The following HACE1 variants were observed in gnomAD, a reference collection of about 807,000 sequenced individuals.
HACE1 encodes E3 ubiquitin-protein ligase HACE1.
A neutral mutation model predicts 118.4 loss-of-function variants in HACE1; 73 were observed. That is an observed-to-expected ratio of 0.62 (90% CI 0.51 to 0.75). The LOEUF (loss-of-function observed/expected upper bound fraction) is 0.75. HACE1 is among the 30% of genes least tolerant of loss of function. The pLI, the probability that HACE1 is intolerant of heterozygous loss-of-function variation, is 0.00. For missense variants in HACE1, 749 were observed against 1,102.2 expected (o/e 0.68, Z 4.54); for synonymous variants, 368 against 374.8 (o/e 0.98, Z 0.21).
chr6:104,840,611 C>T (rs1349091144), intron 5 of HACE1, among the ~76,000 whole-genome samples: 1 of 152,000 alleles, frequency 6.6e-6, no homozygotes, highest in Non-Finnish European at 1.5e-5. Context: ...GGTGGATCAC[C>T]TGAGGTCAGG....
intron 10 of HACE1, among the ~76,000 whole-genome samples, chr6:104,793,205 C>T (rs563818221): frequency 2.0e-5 from 3 of 147,852 alleles, no homozygotes; most frequent in South Asian, 4.3e-4. Flanking sequence ...AGGTGGAGCT[C>T]GCAGTAAGCC....
chr6:104,812,500 C>T (rs112213349), intron 6 of HACE1, among the ~76,000 whole-genome samples: 72 of 152,188 alleles, frequency 4.7e-4, no homozygotes, highest in African/African-American at 1.7e-3. Flanking sequence ...GGATTGAACA[C>T]ATCTGTTCAT....
intron 6 of HACE1, among the ~76,000 whole-genome samples, chr6:104,829,508 A>G (rs1773649509): frequency 6.6e-6 from 1 of 152,164 alleles, no homozygotes; most frequent in African/African-American, 2.4e-5. Flanking sequence ...TCTTGTCCTA[A>G]TTGAAAAAGG....
At chr6:104,771,830 A>G (rs1470562767) in intron 18 of HACE1, 95 bp downstream of exon 18, 6 of 883,728 alleles carry the variant, frequency 6.8e-6, no homozygotes, top group Non-Finnish European at 1.1e-5. Context: ...AATAAAAATT[A>G]TCTCATCCAA....
At chr6:104,775,124 C>T (rs946764118) in intron 17 of HACE1, among the ~76,000 whole-genome samples, 5 of 152,120 alleles carry the variant, frequency 3.3e-5, no homozygotes, top group Admixed American at 6.6e-5. Flanking sequence ...GGTAGATAAC[C>T]TGAGCTCAAG....
At chr6:104,768,960 A>T (rs1780327445) in intron 19 of HACE1, among the ~76,000 whole-genome samples, 1 of 152,180 alleles carries the variant, frequency 6.6e-6, no homozygotes, top group African/African-American at 2.4e-5. Flanking sequence ...TAAAAATCTA[A>T]ACAAAAATCA....
rs751585859 is a variant in HACE1, at chr6:104,796,933, A to G, written c.710T>C (p.Val237Ala). 1 of 1,523,178 alleles carries G rather than the reference A, an allele frequency of 6.6e-7. No individual in the cohort carries two copies. The highest frequency in any genetic ancestry group is 1.1e-5 in the South Asian group (1 of 89,336). The allele number at this position is 1,523,178 out of a possible 1,614,324, so 94.4% of individuals were successfully genotyped here. Reference protein sequence around the residue: ...KNGVTPLDLCVQGGYGETCEV... With the variant: ...KNGVTPLDLCAQGGYGETCEV... ...GAATATAAATGAAAAACACACCTGT[A>G]CACATAAATCCAGAGGAGTTACTCC... The change falls in exon 8 of 24, where the codon GTA (valine) becomes GCA (alanine). Residue 237 changes from valine to alanine, a missense_variant. Around this residue, in one of 5 missense-constraint regions of HACE1, gnomAD observed 267 missense variants for 312.2 expected, o/e 0.86. Coordinates refer to ENST00000262903, the MANE Select transcript of HACE1 (RefSeq NM_020771.4).
intron 10 of HACE1, among the ~76,000 whole-genome samples, chr6:104,792,713 A>G (rs889549112): frequency 1.3e-5 from 2 of 152,194 alleles, no homozygotes; most frequent in Non-Finnish European, 2.9e-5. Context: ...ATGCTGGCAA[A>G]CTGAAAAACT....
At chr6:104,775,386 A>G (rs1582410523) in intron 17 of HACE1, among the ~76,000 whole-genome samples, 1 of 151,902 alleles carries the variant, frequency 6.6e-6, no homozygotes, top group Middle Eastern at 3.4e-3. Flanking sequence ...TCTGTCTCAA[A>G]GAAAAAAAAA....
chr6:104,729,481 C>T lies in HACE1; in HGVS notation c.*181G>A. The T allele has an allele frequency of 1.6e-6, 1 of 610,928 alleles. No homozygotes were observed. The highest frequency in any genetic ancestry group is 2.9e-6 in the Non-Finnish European group (1 of 342,784). 37.8% of individuals were successfully genotyped at this position (610,928 alleles called of 1,614,324 possible). On this transcript the variant is annotated 3_prime_UTR_variant, in exon 24 of 24. Coordinates refer to ENST00000262903, the MANE Select transcript of HACE1 (RefSeq NM_020771.4). ...GATTTTATATTTTCTAATTGTATCACAAACAGAGAAAACATAAAAGGGAAA... is the reference window on the plus strand; with the variant it reads ...GATTTTATATTTTCTAATTGTATCATAAACAGAGAAAACATAAAAGGGAAA...
chr6:104,793,958 T>A (rs1269807701), intron 10 of HACE1, among the ~76,000 whole-genome samples: 1 of 152,202 alleles, frequency 6.6e-6, no homozygotes, highest in Non-Finnish European at 1.5e-5. Flanking sequence ...AGTAATTTTT[T>A]AAAAACTACT....
intron 7 of HACE1, among the ~76,000 whole-genome samples, chr6:104,798,354 A>C (rs1367806914): frequency 6.6e-6 from 1 of 152,154 alleles, no homozygotes; most frequent in Non-Finnish European, 1.5e-5. Flanking sequence ...ACAAAACGGC[A>C]CTGTATGAAG....
chr6:104,852,532 G>A (rs1315331870), intron 1 of HACE1, among the ~76,000 whole-genome samples, 161 bp from the exon 2 acceptor site: 2 of 152,148 alleles, frequency 1.3e-5, no homozygotes, highest in South Asian at 2.1e-4. Flanking sequence ...CAGAATTTAC[G>A]ATAGTGAAGA....
At chr6:104,796,601 G>T in intron 9 of HACE1, 54 bp downstream of exon 9, 2 of 894,426 alleles carry the variant, frequency 2.2e-6, no homozygotes, top group South Asian at 1.3e-5. Flanking sequence ...TGTCATATAT[G>T]CTGAGCAGGA....
intron 19 of HACE1, among the ~76,000 whole-genome samples, chr6:104,764,717 T>C (rs1779781938): frequency 6.6e-6 from 1 of 152,256 alleles, no homozygotes; most frequent in African/African-American, 2.4e-5. Context: ...TGGAGCCTTA[T>C]AACCAGTGTT....
At chr6:104,800,355 G>C (rs930093778) in intron 7 of HACE1, among the ~76,000 whole-genome samples, 2 of 152,200 alleles carry the variant, frequency 1.3e-5, no homozygotes, top group African/African-American at 2.4e-5. Flanking sequence ...GCTCAGAAGA[G>C]AGCAGTGGTT....
At chr6:104,779,157 C>T (rs756681842) in intron 14 of HACE1, among the ~76,000 whole-genome samples, 18 of 152,108 alleles carry the variant, frequency 1.2e-4, no homozygotes, top group African/African-American at 3.9e-4. Flanking sequence ...ATTTGCTTAG[C>T]AAATGATACA....
intron 19 of HACE1, among the ~76,000 whole-genome samples, chr6:104,769,367 A>T (rs569405346): frequency 6.6e-6 from 1 of 152,232 alleles, no homozygotes. Context: ...GACAAACCTC[A>T]CCAGATATAG....
intron 19 of HACE1, among the ~76,000 whole-genome samples, chr6:104,765,143 T>C (rs1201331516): frequency 6.6e-6 from 1 of 152,238 alleles, no homozygotes; most frequent in Non-Finnish European, 1.5e-5. Context: ...GGCAAACACA[T>C]TATTTTTGAT....
Sources: allele counts gnomAD v4.1 joint callset (sites outside exome capture counted in the v4.1 genomes callset), GRCh38; gene constraint gnomAD v4.1.1; regional missense constraint gnomAD v4.1.1; transcripts MANE v1.5; gene names NCBI Gene and HGNC (gene_info 2026-07-23, HGNC 2026-07-21).